EVX1: variants seen among roughly 807,000 people sequenced by gnomAD.
EVX1 encodes even-skipped homeobox 1, also known as homeobox even-skipped homolog protein 1.
A neutral mutation model predicts 28.6 loss-of-function variants in EVX1; 19 were observed. That is an observed-to-expected ratio of 0.67 (90% CI 0.46 to 0.98). The LOEUF (loss-of-function observed/expected upper bound fraction) is 0.98. Among genes scored for constraint, EVX1 ranks in the 50% least tolerant of loss-of-function variants. The pLI, the probability that EVX1 is intolerant of heterozygous loss-of-function variation, is 0.00. For missense variants in EVX1, 660 were observed against 583.0 expected (o/e 1.13, Z -1.36); for synonymous variants, 324 against 278.2 (o/e 1.16, Z -1.64).
At chr7:27,243,605 G>A in intron 1 of EVX1, 148 bp downstream of exon 1, 1 of 858,264 alleles carries the variant, frequency 1.2e-6, no homozygotes, top group Non-Finnish European at 1.7e-6. Flanking sequence ...CTGCGTTCTG[G>A]CGGGGGTCTC....
chr7:27,246,081 TCCG>T lies in EVX1; in HGVS notation c.889_891del (p.Ala297del). The T allele has an allele frequency of 6.4e-7, 1 of 1,572,164 alleles. No individual in the cohort carries two copies. The highest frequency in any genetic ancestry group is 8.6e-7 in the Non-Finnish European group (1 of 1,168,172). ...GGGCCTGGGCGCCGCATCCGCCGCC[TCCG>T]CCGCCGCCTCGCCCTTCAGCGGCTC... is the stretch of plus-strand genomic sequence containing the variant. On this transcript the variant is annotated inframe_deletion, in exon 3 of 3. Coordinates refer to ENST00000496902, the MANE Select transcript of EVX1 (RefSeq NM_001989.5).
chr7:27,244,299 G>C (rs912277536), intron 1 of EVX1, among the ~76,000 whole-genome samples: 4 of 152,062 alleles, frequency 2.6e-5, no homozygotes, highest in African/African-American at 4.8e-5. Flanking sequence ...GGTTGGTGGG[G>C]GGGAGGAGAG....
In EVX1 at chr7:27,246,355, C is replaced by A. The variant is rs1783189758; in HGVS notation, c.1154C>A (p.Ala385Glu). ...CGCTCGGACTCCTTCCTCACCTTCG[C>A]GCCCTCGGTGCTCAGCAAGGCCTCC... is the stretch of plus-strand genomic sequence containing the variant. ...TSRSDSFLTF[A>E]PSVLSKASSV... is the part of the protein sequence containing the mutation. The change falls in exon 3 of 3, where the codon GCG becomes GAG. Residue 385 changes from alanine to glutamate, a missense_variant. Ala to Glu is a moderately radical substitution (Grantham distance 107). Around this residue, in one of 3 missense-constraint regions of EVX1, gnomAD observed 299 missense variants for 241.3 expected, o/e 1.24. Transcript: ENST00000496902. 6.2e-7 allele frequency: 1 copy of A among 1,602,558 alleles called. No homozygotes were observed. The highest frequency in any genetic ancestry group is 1.3e-5 in the African/African-American group (1 of 74,804).
At position 27,243,391 on chromosome 7, in the gene EVX1, G is replaced by C; in HGVS notation, c.361G>C (p.Glu121Gln). 6.2e-7 allele frequency: 1 copy of C among 1,612,268 alleles called. No homozygotes were observed. Among genetic ancestry groups the C allele is most frequent in the Non-Finnish European group, 8.5e-7 (1 of 1,179,806 alleles). The change falls in exon 1 of 3, where the codon GAA becomes CAA. Residue 121 changes from glutamate (E) to glutamine (Q), a missense_variant. Transcript: ENST00000496902. Reference sequence around the variant, plus strand: ...CTCGGACACCGAGTCGGATTTCTATGAAGAAATCGAGGTGAGCTGCACCCC... The same window carrying C: ...CTCGGACACCGAGTCGGATTTCTATCAAGAAATCGAGGTGAGCTGCACCCC... ...SSSDTESDFY[E>Q]EIEVSCTPDC...
Position 27,243,194 on chromosome 7 carries a change from C to G in EVX1, c.164C>G (p.Pro55Arg). 2 of 1,563,012 alleles carry G rather than the reference C, an allele frequency of 1.3e-6. No individual in the cohort carries two copies. The highest frequency in any genetic ancestry group is 1.2e-5 in the South Asian group (1 of 85,424). The change falls in exon 1 of 3, where the codon CCG (proline) becomes CGG (arginine). Residue 55 changes from proline (P) to arginine (R), a missense_variant. Around this residue, in one of 3 missense-constraint regions of EVX1, gnomAD observed 308 missense variants for 256.6 expected, o/e 1.20. Coordinates refer to ENST00000496902, the MANE Select transcript of EVX1 (RefSeq NM_001989.5). ...TGCCTGAGCCCTCGGGCCGTCCCTCCGGCCACCCGGGAGCGCGGCGGGGGA... is the reference window on the plus strand; with the variant it reads ...TGCCTGAGCCCTCGGGCCGTCCCTCGGGCCACCCGGGAGCGCGGCGGGGGA... ...RGCLSPRAVP[P>R]ATRERGGGGP...
chr7:27,246,502 C>A lies in EVX1; in HGVS notation c.*77C>A. The A allele has an allele frequency of 7.5e-7, 1 of 1,334,792 alleles. No individual in the cohort carries two copies. Among genetic ancestry groups the A allele is most frequent in the South Asian group, 1.3e-5 (1 of 77,762 alleles). The allele number at this position is 1,334,792 out of a possible 1,614,324, so 82.7% of individuals were successfully genotyped here. ...GCCCCGGGACTCAGCCAGCCTCGCT[C>A]CTCGCTCCTCGCTCCTCGCCCCTAG... On this transcript the variant is annotated 3_prime_UTR_variant, in exon 3 of 3. Coordinates refer to ENST00000496902, the MANE Select transcript of EVX1 (RefSeq NM_001989.5).
At chr7:27,245,773 C>T in intron 2 of EVX1, 113 bp from the exon 3 acceptor site, 1 of 1,416,690 alleles carries the variant, frequency 7.1e-7, no homozygotes, top group Admixed American at 2.5e-5. Context: ...CGGCTGGTGT[C>T]TGCTTTGGCT....
chr7:27,245,963 C>T lies in EVX1; in HGVS notation c.762C>T (p.Ala254=). The T allele has an allele frequency of 6.3e-7, 1 of 1,593,224 alleles. No homozygotes were observed. Among genetic ancestry groups the T allele is most frequent in the Non-Finnish European group, 8.5e-7 (1 of 1,173,498 alleles). ...AMTWPHPADP[A]FYTYMMSHAA... is the part of the protein sequence containing the mutation. ...CGTGGCCGCACCCGGCGGACCCCGC[C>T]TTCTACACTTACATGATGAGCCATG... Residue 254 remains alanine (A), a synonymous_variant, in exon 3 of 3, where the codon GCC becomes GCT. Transcript: ENST00000496902.
Position 27,246,560 on chromosome 7 carries a change from GA to G in EVX1, c.*136del. 1 of 936,210 alleles carries G rather than the reference GA, an allele frequency of 1.1e-6. No homozygotes were observed. The highest frequency in any genetic ancestry group is 1.5e-6 in the Non-Finnish European group (1 of 645,576). 58.0% of individuals were successfully genotyped at this position (936,210 alleles called of 1,614,324 possible). On this transcript the variant is annotated 3_prime_UTR_variant, in exon 3 of 3. Transcript: ENST00000496902. ...AGGGGGAAAGGAGAGGGCGGAAAAG[GA>G]CCAGCGGGATCCGGCCGCAAGAATT...
In EVX1 at chr7:27,243,483, C is replaced by G. The variant is rs989342734; in HGVS notation, c.427+26C>G. 3 of 1,548,784 alleles carry G rather than the reference C, an allele frequency of 1.9e-6. No homozygotes were observed. In the Admixed American group the frequency reaches 5.7e-5, roughly 29 times the overall value. The stretch of plus-strand genomic sequence containing the variant: ...GTAGCCACCGTGCCCCTCCGCTCCC[C>G]GGGCCTCCCACTGCGCCCACCCTTC... On this transcript the variant is annotated intron_variant, in intron 1 of 2. Transcript: ENST00000496902.
Position 27,243,335 on chromosome 7 carries a change from A to T in EVX1, c.305A>T (p.Asp102Val). The change falls in exon 1 of 3, where the codon GAC (aspartate) becomes GTC (valine). Residue 102 changes from aspartate to valine, a missense_variant. By Grantham distance (152) the Asp-to-Val change is radical (BLOSUM62 -3). Coordinates refer to ENST00000496902, the MANE Select transcript of EVX1 (RefSeq NM_001989.5). ...CCAGGACCCCCGGCCCCCTCAGTCGACAGCCTCTCCGGACAGGGGCAACCC... is the reference window on the plus strand; with the variant it reads ...CCAGGACCCCCGGCCCCCTCAGTCGTCAGCCTCTCCGGACAGGGGCAACCC... The part of the protein sequence containing the change: ...LGPGPPAPSV[D>V]SLSGQGQPSS... 1.2e-6 allele frequency: 2 copies of T among 1,600,764 alleles called. No homozygotes were observed. The highest frequency in any genetic ancestry group is 2.3e-5 in the East Asian group (1 of 43,878).
chr7:27,243,970 T>G, intron 1 of EVX1: 1 of 152,794 alleles, frequency 6.5e-6, no homozygotes. Context: ...ACCTTGTCAC[T>G]TCCCGGGCTT....
chr7:27,243,307 G>C lies in EVX1; in HGVS notation c.277G>C (p.Gly93Arg). 6.4e-7 allele frequency: 1 copy of C among 1,569,274 alleles called. No individual in the cohort carries two copies. The highest frequency in any genetic ancestry group is 8.6e-7 in the Non-Finnish European group (1 of 1,159,062). Reference sequence around the variant, plus strand: ...CCAGGTAGCTGGGGCGGCCATGCTCGGCCCAGGACCCCCGGCCCCCTCAGT... The same window carrying C: ...CCAGGTAGCTGGGGCGGCCATGCTCCGCCCAGGACCCCCGGCCCCCTCAGT... ...EPQVAGAAML[G>R]PGPPAPSVDS... The change falls in exon 1 of 3, where the codon GGC (glycine) becomes CGC (arginine). Residue 93 changes from glycine (G) to arginine (R), a missense_variant. Gly to Arg is a moderately radical substitution (Grantham distance 125). Around this residue, in one of 3 missense-constraint regions of EVX1, gnomAD observed 308 missense variants for 256.6 expected, o/e 1.20. Transcript: ENST00000496902.
At chr7:27,245,801 A>T in intron 2 of EVX1, 85 bp from the exon 3 acceptor site, 1 of 1,511,520 alleles carries the variant, frequency 6.6e-7, no homozygotes, top group Non-Finnish European at 8.8e-7. Flanking sequence ...CCCTGCGAAC[A>T]CTGTCCCCGG....
Position 27,246,100 on chromosome 7 carries a change from T to G in EVX1, c.899T>G (p.Phe300Cys). The G allele has an allele frequency of 1.3e-6, 2 of 1,556,702 alleles. No homozygotes were observed. ...ASAASAAASPFSGSLRPLDTF... is the reference protein window; with the variant it reads ...ASAASAAASPCSGSLRPLDTF... ...GCCGCCTCCGCCGCCGCCTCGCCCT[T>G]CAGCGGCTCGCTGCGCCCGCTCGAC... is the stretch of plus-strand genomic sequence containing the variant. The change falls in exon 3 of 3, where the codon TTC (phenylalanine) becomes TGC (cysteine). Residue 300 changes from phenylalanine to cysteine, a missense_variant. Phe to Cys is a radical substitution (Grantham distance 205). Around this residue, in one of 3 missense-constraint regions of EVX1, gnomAD observed 299 missense variants for 241.3 expected, o/e 1.24. Transcript: ENST00000496902.
In EVX1 at chr7:27,245,890, G is replaced by A; in HGVS notation, c.689G>A (p.Trp230Ter). 2 of 1,611,580 alleles carry A rather than the reference G, an allele frequency of 1.2e-6. No homozygotes were observed. The highest frequency in any genetic ancestry group is 1.7e-6 in the Non-Finnish European group (2 of 1,179,660). The change falls in exon 3 of 3, where the codon TGG (tryptophan) becomes TAG (stop). Residue 230 changes from tryptophan (W) to a stop codon, truncating the protein, a stop_gained. Transcript: ENST00000496902. LOFTEE classifies it high-confidence loss of function. ...CTGCTCCGCTCCTCTCCCCAGGTGT[G>A]GTTCCAGAACCGGCGCATGAAGGAC... ...LNLPETTIKV[W>*]FQNRRMKDKR...
Position 27,243,012 on chromosome 7 carries a change from C to A in EVX1, c.-19C>A. On this transcript the variant is annotated 5_prime_UTR_variant, in exon 1 of 3. Transcript: ENST00000496902. ...GAACTCACTTGGGGCTTTCCCCTCC[C>A]CCACCGGAGAGCCCCGGGATGGAGA... 1 of 1,541,612 alleles carries A rather than the reference C, an allele frequency of 6.5e-7. No individual in the cohort carries two copies. The highest frequency in any genetic ancestry group is 1.3e-5 in the South Asian group (1 of 79,580).
intron 1 of EVX1, 180 bp downstream of exon 1, chr7:27,243,637 G>A (rs941144687): frequency 1.1e-5 from 7 of 656,760 alleles, no homozygotes; most frequent in Non-Finnish European, 1.4e-5. Context: ...TGGCATTGGC[G>A]GGACTGAGGG....
rs940359898 is a variant in EVX1 at position 27,246,155 on chromosome 7, G to A, written c.954G>A (p.Pro318=). 3.0e-5 allele frequency: 45 copies of A among 1,507,532 alleles called. No individual in the cohort carries two copies. Among genetic ancestry groups the A allele is most frequent in the Non-Finnish European group, 3.8e-5 (43 of 1,137,862 alleles). 93.4% of individuals were successfully genotyped at this position (1,507,532 alleles called of 1,614,324 possible). ...TCCGCGTGCTGTCGCAGCCCTACCC[G>A]CGGCCCGAACTGCTGTGCGCCTTCC... ...DTFRVLSQPY[P]RPELLCAFRH... is the part of the protein sequence containing the mutation. The change falls in exon 3 of 3, where the codon CCG becomes CCA. Residue 318 remains proline, a synonymous_variant. Transcript: ENST00000496902.
Sources: gnomAD v4.1 joint callset for allele counts (sites outside exome capture counted in the v4.1 genomes callset) on GRCh38, gnomAD v4.1.1 for gene constraint, gnomAD v4.1.1 regional missense constraint, MANE v1.5 for transcripts, NCBI Gene and HGNC (gene_info 2026-07-23, HGNC 2026-07-21) for gene names.